WNT11: variants seen among roughly 807,000 people sequenced by gnomAD.
WNT11 encodes the protein Wnt family member 11.
In WNT11, 20 loss-of-function variants were observed where a neutral mutation model predicts 35.6. The observed-to-expected ratio is 0.56, with a 90% CI of 0.40 to 0.82. The LOEUF is 0.82. Among genes scored for constraint, WNT11 ranks in the 40% least tolerant of loss-of-function variants. The probability of loss-of-function intolerance (pLI) is 0.00; values close to 1 mark genes in which losing one functional copy is unlikely to be tolerated. For synonymous variants in WNT11, 200 were observed against 211.9 expected (o/e 0.94, Z 0.49); for missense variants, 459 against 504.4 (o/e 0.91, Z 0.86).
At position 76,191,607 on chromosome 11, in the gene WNT11, A is replaced by G; in HGVS notation, c.847T>C (p.Cys283Arg). 1 of 1,612,988 alleles carries G rather than the reference A, an allele frequency of 6.2e-7. No homozygotes were observed. Among genetic ancestry groups the G allele is most frequent in the South Asian group, 1.1e-5 (1 of 91,078 alleles). ...LVYLQSSPDF[C>R]MKNEKVGSHG... is the part of the protein sequence containing the mutation. The stretch of plus-strand genomic sequence containing the variant: ...GAGCCCACCTTCTCATTCTTCATGC[A>G]GAAGTCAGGTGAGCTCTGCAGATAG... Residue 283 changes from cysteine (C) to arginine (R), a missense_variant, in exon 4 of 5, where the codon TGC (cysteine) becomes CGC (arginine). Coordinates refer to ENST00000322563, the MANE Select transcript of WNT11 (RefSeq NM_004626.3).
At position 76,206,484 on chromosome 11, in the gene WNT11, G is replaced by A. The variant is rs1953477382; in HGVS notation, c.-77C>T. 1.6e-6 allele frequency: 2 copies of A among 1,270,862 alleles called. No individual in the cohort carries two copies. The highest frequency in any genetic ancestry group is 1.6e-5 in the African/African-American group (1 of 64,234). The allele number at this position is 1,270,862 out of a possible 1,614,324, so 78.7% of individuals were successfully genotyped here. ...GTCCTCCGCCTGCACGGCCGCCGCT[G>A]GTCCTGCACGCCGCCTGCAGCCGGG... is the stretch of plus-strand genomic sequence containing the variant. On this transcript the variant is annotated 5_prime_UTR_variant, in exon 1 of 5. Transcript: ENST00000322563.
At chr11:76,201,895 G>A (rs77803107) in intron 1 of WNT11, among the ~76,000 whole-genome samples, 109 of 152,266 alleles carry the variant, frequency 7.2e-4, no homozygotes, top group African/African-American at 2.5e-3. Context: ...TAGGGGACCC[G>A]CCTGTGTAAG....
chr11:76,191,874 C>A lies in WNT11; in HGVS notation c.598-18G>T, dbSNP rs202076297. 3.8e-6 allele frequency: 6 copies of A among 1,584,422 alleles called. No individual in the cohort carries two copies. The highest frequency in any genetic ancestry group is 5.1e-6 in the Non-Finnish European group (6 of 1,169,196). Reference sequence around the variant, plus strand: ...CGCAGAGCCTGCGGACAGGGGAAGGCGTCAGCTGGGTGGCCAGAGTCCCCT... The same window carrying A: ...CGCAGAGCCTGCGGACAGGGGAAGGAGTCAGCTGGGTGGCCAGAGTCCCCT... On this transcript the variant is annotated intron_variant, in intron 3 of 4. Coordinates refer to ENST00000322563, the MANE Select transcript of WNT11 (RefSeq NM_004626.3).
At chr11:76,210,089 C>A (rs1445894506), upstream of WNT11, among the ~76,000 whole-genome samples, 3 of 149,478 alleles carry the variant, frequency 2.0e-5, no homozygotes, top group African/African-American at 7.4e-5. Context: ...GGATCCAAGT[C>A]CCCCACCCCC....
At chr11:76,197,245 AC>A (rs554178239) in intron 1 of WNT11, among the ~76,000 whole-genome samples, 3 of 152,210 alleles carry the variant, frequency 2.0e-5, no homozygotes, top group Non-Finnish European at 4.4e-5. Flanking sequence ...TGATTACTAA[AC>A]CCATTTATTA....
intron 4 of WNT11, among the ~76,000 whole-genome samples, chr11:76,188,627 A>C (rs1429352868): frequency 6.6e-6 from 1 of 152,270 alleles, no homozygotes; most frequent in African/African-American, 2.4e-5. Context: ...AGAATGTCCA[A>C]GATGGGAAAG....
chr11:76,204,658 C>T (rs932682514), intron 1 of WNT11, among the ~76,000 whole-genome samples: 2 of 152,188 alleles, frequency 1.3e-5, no homozygotes, highest in Admixed American at 1.3e-4. Context: ...TTAAGGCACA[C>T]AATGAGTTGT....
In WNT11 at chr11:76,197,797, C is replaced by T. The variant is rs148923775; in HGVS notation, c.84-1079G>A. Among the ~76,000 whole-genome samples, 145 of 152,234 alleles carry T rather than the reference C, an allele frequency of 9.5e-4. 2 individuals carry two copies. The South Asian group carries it at 0.016, about 17-fold the overall frequency. On this transcript the variant is annotated intron_variant, in intron 1 of 4. Transcript: ENST00000322563. ...AAGACTCTAGGACCAGGCCCCTCCT[C>T]GATCTGCCGTTCTCCTAGGCCTTCT... is the stretch of plus-strand genomic sequence containing the variant.
At chr11:76,208,319 G>GT (rs1366313154), upstream of WNT11, among the ~76,000 whole-genome samples, 2 of 152,196 alleles carry the variant, frequency 1.3e-5, no homozygotes, top group African/African-American at 2.4e-5. Context: ...GGATCGTACA[G>GT]TTTTTTTCCT....
At chr11:76,207,799 G>T (rs375710817), upstream of WNT11, among the ~76,000 whole-genome samples, 8 of 152,206 alleles carry the variant, frequency 5.3e-5, no homozygotes, top group African/African-American at 1.7e-4. Context: ...CCGCCCGCCC[G>T]CAGCCCGCGG....
In WNT11 at chr11:76,194,706, C is replaced by T. The variant is rs762919465; in HGVS notation, c.458G>A (p.Arg153His). 1.9e-5 allele frequency: 30 copies of T among 1,550,390 alleles called. No individual in the cohort carries two copies. In the South Asian group the frequency reaches 2.3e-4, roughly 12 times the overall value. Residue 153 changes from arginine (R) to histidine (H), a missense_variant, in exon 3 of 5, where the codon CGC becomes CAC. Arg to His is a conservative substitution (Grantham distance 29). Transcript: ENST00000322563. This position sits in a 1 kb window ranked among gnomAD's most constrained non-coding sequence, Gnocchi z 5.4. ...GAGGTTGTCCGCACATCCTCCCCAG[C>T]GGTTCCCGGGCCCGGGTGGCTCACC... is the stretch of plus-strand genomic sequence containing the variant. ...VPGEPPGPGN[R>H]WGGCADNLSY... is the part of the protein sequence containing the mutation.
intron 4 of WNT11, among the ~76,000 whole-genome samples, chr11:76,190,121 T>C (rs77895003): frequency 0.033 from 4,990 of 151,968 alleles, 302 homozygotes; most frequent in African/African-American, 0.11. Context: ...TGGAGATCAC[T>C]CGACAACCCT....
intron 3 of WNT11, 125 bp from the exon 4 acceptor site, chr11:76,191,981 T>A: frequency 8.2e-7 from 1 of 1,225,292 alleles, no homozygotes; most frequent in Non-Finnish European, 1.1e-6. Flanking sequence ...GAGTCTGAAG[T>A]GATAGAGCTT....
intron 4 of WNT11, chr11:76,190,638 A>G (rs1953169006): frequency 6.6e-6 from 1 of 152,196 alleles, no homozygotes; most frequent in East Asian, 1.9e-4. Context: ...CCCCGAGAAC[A>G]CGAGTTTTGT....
intron 1 of WNT11, among the ~76,000 whole-genome samples, chr11:76,200,145 C>T (rs113605149): frequency 0.023 from 3,497 of 151,562 alleles, 132 homozygotes; most frequent in African/African-American, 0.08. Flanking sequence ...GTGGTTAGGG[C>T]GGCGTGACTC....
In WNT11 at chr11:76,206,387, G is replaced by C. The variant is rs752960412; in HGVS notation, c.21C>G (p.Val7=). Residue 7 remains valine (V), a synonymous_variant, in exon 1 of 5, where the codon GTC becomes GTG. Transcript: ENST00000322563. The part of the protein sequence containing the change: MRARPQ[V]CEALLFALAL... ...CCAGGGCGAAGAGCAGCGCCTCGCA[G>C]ACCTGCGGCCGCGCCCTCATCGTCG... is the stretch of plus-strand genomic sequence containing the variant. 1.3e-6 allele frequency: 2 copies of C among 1,546,164 alleles called. No homozygotes were observed. The highest frequency in any genetic ancestry group is 2.8e-5 in the African/African-American group (2 of 71,706).
chr11:76,190,787 T>C (rs1953171736), intron 4 of WNT11: 1 of 152,230 alleles, frequency 6.6e-6, no homozygotes, highest in Non-Finnish European at 1.5e-5. Flanking sequence ...GCCAGAGAAT[T>C]TCCCAAATGC....
At chr11:76,205,651 C>T (rs992560616) in intron 1 of WNT11, among the ~76,000 whole-genome samples, 41 of 152,238 alleles carry the variant, frequency 2.7e-4, no homozygotes, top group African/African-American at 9.4e-4. Context: ...TTACTCCTCT[C>T]TTCACCACCC....
At chr11:76,201,505 C>T (rs1344123420) in intron 1 of WNT11, among the ~76,000 whole-genome samples, 1 of 152,092 alleles carries the variant, frequency 6.6e-6, no homozygotes, top group East Asian at 1.9e-4. Flanking sequence ...CAACAGACCC[C>T]TAATTGGAAA....
Sources: allele counts gnomAD v4.1 joint callset (sites outside exome capture counted in the v4.1 genomes callset), GRCh38; gene constraint gnomAD v4.1.1; non-coding constraint Gnocchi (gnomAD v3.1); transcripts MANE v1.5; gene names NCBI Gene and HGNC (gene_info 2026-07-23, HGNC 2026-07-21).